ADK: variants seen among roughly 807,000 people sequenced by gnomAD.
ADK encodes N6,N6-dimethyladenosine kinase.
A neutral mutation model predicts 44.7 loss-of-function variants in ADK; 24 were observed. That is an observed-to-expected ratio of 0.54 (90% CI 0.39 to 0.76). The LOEUF is 0.76. Ranked by LOEUF, ADK falls within the 30% of genes least tolerant of loss-of-function variation. The pLI is 0.00. For synonymous variants in ADK, 128 were observed against 142.6 expected (o/e 0.90, Z 0.73); for missense variants, 321 against 425.1 (o/e 0.76, Z 2.15).
At chr10:74,176,646 C>G in intron 1 of ADK, 1 of 1,411,108 alleles carries the variant, frequency 7.1e-7, no homozygotes, top group Non-Finnish European at 9.2e-7. Context: ...CCCACGGCGT[C>G]TGGGGACGAT....
At chr10:74,268,178 C>G (rs1846288712) in intron 3 of ADK, among the ~76,000 whole-genome samples, 1 of 151,890 alleles carries the variant, frequency 6.6e-6, no homozygotes, top group Non-Finnish European at 1.5e-5. Context: ...TAAAAGTTAG[C>G]CAGAGATAGT....
At chr10:74,363,703 A>G (rs888698813) in intron 4 of ADK, among the ~76,000 whole-genome samples, 3 of 152,196 alleles carry the variant, frequency 2.0e-5, no homozygotes, top group African/African-American at 7.2e-5. Flanking sequence ...CCTGTGTTGC[A>G]GAATCTGGAG....
chr10:74,188,614 A>C (rs1842849816), intron 1 of ADK, among the ~76,000 whole-genome samples: 1 of 151,898 alleles, frequency 6.6e-6, no homozygotes, highest in Admixed American at 6.6e-5. Flanking sequence ...GGCCTCTCAA[A>C]GTGCTGGTAT....
At chr10:74,331,210 G>A (rs1415129651) in intron 4 of ADK, among the ~76,000 whole-genome samples, 1 of 152,112 alleles carries the variant, frequency 6.6e-6, no homozygotes, top group Non-Finnish European at 1.5e-5. Context: ...CAGATGGAAG[G>A]AAATGCCTAA....
chr10:74,483,262 C>T (rs1229325554), intron 6 of ADK, among the ~76,000 whole-genome samples: 1 of 152,202 alleles, frequency 6.6e-6, no homozygotes, highest in Admixed American at 6.5e-5. Flanking sequence ...CTTGCACCCT[C>T]TGGAGCAGTG....
At chr10:74,196,547 G>A (rs1843161227) in intron 1 of ADK, among the ~76,000 whole-genome samples, 1 of 151,932 alleles carries the variant, frequency 6.6e-6, no homozygotes, top group African/African-American at 2.4e-5. Context: ...TCAAAAAAAA[G>A]AAAATGAGCA....
At chr10:74,574,273 C>T (rs1851095389) in intron 7 of ADK, among the ~76,000 whole-genome samples, 1 of 151,320 alleles carries the variant, frequency 6.6e-6, no homozygotes, top group African/African-American at 2.4e-5. Flanking sequence ...GACATTGAAG[C>T]GATTCTCCTG....
At chr10:74,371,930 G>T (rs759848976) in intron 4 of ADK, 164 of 1,370,532 alleles carry the variant, frequency 1.2e-4, no homozygotes, top group Middle Eastern at 9.8e-4. Context: ...CTGACCACCA[G>T]CCTCTCACAG....
chr10:74,528,067 G>A (rs1849127592), intron 7 of ADK: 1 of 998,272 alleles, frequency 1.0e-6, no homozygotes, highest in Non-Finnish European at 1.6e-6. Context: ...ATAAAATGAC[G>A]ACGTCCTTCT....
Position 74,480,723 on chromosome 10 carries a change from GT to G in ADK, c.556-44528del, listed in dbSNP as rs1347980226. On this transcript the variant is annotated intron_variant, in intron 6 of 10. Transcript: ENST00000539909. ...CTTAGACCTTTCTTGTTTGGGGTCAGTTTTTCCAGGTATGCAATAATAAGCT... is the reference window on the plus strand; with the variant it reads ...CTTAGACCTTTCTTGTTTGGGGTCAGTTTTCCAGGTATGCAATAATAAGCT... Among the ~76,000 whole-genome samples the G allele has an allele frequency of 2.0e-3, 306 of 152,214 alleles. 3 individuals carry two copies. Among genetic ancestry groups the G allele is most frequent in the East Asian group, 2.3e-3 (12 of 5,186 alleles).
At chr10:74,483,404 A>T (rs1297254751) in intron 6 of ADK, among the ~76,000 whole-genome samples, 1 of 152,098 alleles carries the variant, frequency 6.6e-6, no homozygotes, top group Non-Finnish European at 1.5e-5. Flanking sequence ...TGGGCTGGTG[A>T]TGGGAGGGGC....
intron 4 of ADK, among the ~76,000 whole-genome samples, chr10:74,335,692 C>T (rs541216952): frequency 6.6e-6 from 1 of 152,284 alleles, no homozygotes; most frequent in South Asian, 2.1e-4. Flanking sequence ...CACATCCTTT[C>T]AGCACTTGAT....
At chr10:74,655,379 G>C in intron 9 of ADK, 1 of 412,012 alleles carries the variant, frequency 2.4e-6, no homozygotes, top group Non-Finnish European at 4.8e-6. Flanking sequence ...CATCAAAAAA[G>C]AGAAGAAAGA....
intron 4 of ADK, among the ~76,000 whole-genome samples, chr10:74,381,027 A>G (rs1046558711): frequency 6.6e-6 from 1 of 152,174 alleles, no homozygotes; most frequent in African/African-American, 2.4e-5. Flanking sequence ...TACCATGACA[A>G]CAAATGCATG....
chr10:74,384,683 A>C (rs142980653), intron 4 of ADK, among the ~76,000 whole-genome samples: 1 of 152,304 alleles, frequency 6.6e-6, no homozygotes, highest in East Asian at 1.9e-4. Flanking sequence ...AAAAATAAAA[A>C]ATAAATAACA....
At chr10:74,595,716 CGGGTGT>C (rs771200685) in intron 8 of ADK, among the ~76,000 whole-genome samples, 120,321 of 120,408 alleles carry the variant, frequency 1, 60,117 homozygotes, top group Middle Eastern at 1. Context: ...GCTATATGGC[CGGGTGT>C]GGTGGCTCCC....
chr10:74,516,477 C>T (rs747394466), intron 6 of ADK, among the ~76,000 whole-genome samples: 23 of 152,106 alleles, frequency 1.5e-4, no homozygotes, highest in Admixed American at 2.0e-4. Flanking sequence ...TATCCCTACT[C>T]AGCCATCTTG....
At chr10:74,250,823 C>G (rs1845625900) in intron 3 of ADK, among the ~76,000 whole-genome samples, 1 of 152,154 alleles carries the variant, frequency 6.6e-6, no homozygotes, top group South Asian at 2.1e-4. Context: ...CTCTGTCACC[C>G]ATGCTGGAGT....
intron 9 of ADK, among the ~76,000 whole-genome samples, chr10:74,647,540 G>T (rs574944480): frequency 8.5e-5 from 13 of 152,226 alleles, no homozygotes; most frequent in Non-Finnish European, 1.5e-4. Context: ...AAGTGTATAT[G>T]CCTCTTACCT....
Sources: gnomAD v4.1 joint callset for allele counts (sites outside exome capture counted in the v4.1 genomes callset) on GRCh38, gnomAD v4.1.1 for gene constraint, MANE v1.5 for transcripts, NCBI Gene and HGNC (gene_info 2026-07-23, HGNC 2026-07-21) for gene names.